Variants in ENOX1 observed in about 807,000 individuals in gnomAD.
The protein encoded by ENOX1 is ecto-NOX disulfide-thiol exchanger 1.
In ENOX1, 42 loss-of-function variants were observed where a neutral mutation model predicts 82.5. The ratio of observed to expected loss-of-function variants is 0.51; its 90% CI spans 0.40 to 0.66. ENOX1 has a LOEUF of 0.66. ENOX1 is among the 30% of genes least tolerant of loss of function. ENOX1 has a pLI of 0.00. For missense variants in ENOX1, 608 were observed against 811.6 expected, an observed-to-expected ratio of 0.75 and a Z score of 3.05; for synonymous variants, 271 against 282.2, an observed-to-expected ratio of 0.96 and a Z score of 0.40.
chr13:43,350,013 A>T (rs1331825310), intron 8 of ENOX1, among the ~76,000 whole-genome samples: 1 of 152,232 alleles, frequency 6.6e-6, no homozygotes, highest in Non-Finnish European at 1.5e-5. Context: ...ACCTAATTCT[A>T]CAGGGGGTGG....
chr13:43,736,155 A>G (rs1252691177), intron 1 of ENOX1, among the ~76,000 whole-genome samples: 2 of 152,228 alleles, frequency 1.3e-5, no homozygotes, highest in South Asian at 2.1e-4. Context: ...CTTCTGCTAC[A>G]GTGCATTTAT....
intron 2 of ENOX1, among the ~76,000 whole-genome samples, chr13:43,551,011 A>C (rs952893511): frequency 6.6e-6 from 1 of 152,194 alleles, no homozygotes; most frequent in African/African-American, 2.4e-5. Flanking sequence ...TCCCAGTAAC[A>C]TCTTTCAAAT....
intron 9 of ENOX1, among the ~76,000 whole-genome samples, chr13:43,333,674 G>A (rs933179594): frequency 6.6e-6 from 1 of 152,244 alleles, no homozygotes; most frequent in Non-Finnish European, 1.5e-5. Flanking sequence ...CCAGCCTGAA[G>A]TGCAGCGGCA....
intron 1 of ENOX1, among the ~76,000 whole-genome samples, chr13:43,769,288 T>C (rs1259933732): frequency 6.6e-6 from 1 of 152,162 alleles, no homozygotes; most frequent in Non-Finnish European, 1.5e-5. Flanking sequence ...AAGGCTACTA[T>C]AGCGAATAGC....
chr13:43,780,892 G>C (rs1039642645), intron 1 of ENOX1, among the ~76,000 whole-genome samples: 1 of 152,200 alleles, frequency 6.6e-6, no homozygotes, highest in Non-Finnish European at 1.5e-5. Flanking sequence ...CCCACTGTTA[G>C]AGATGTTAAC....
At chr13:43,538,926 C>A (rs1273887779) in intron 2 of ENOX1, among the ~76,000 whole-genome samples, 3 of 152,122 alleles carry the variant, frequency 2.0e-5, no homozygotes, top group Non-Finnish European at 4.4e-5. Context: ...TGGGCTCAAG[C>A]AATCCTCTCA....
At chr13:43,645,772 T>G (rs1171427033) in intron 2 of ENOX1, among the ~76,000 whole-genome samples, 1 of 152,158 alleles carries the variant, frequency 6.6e-6, no homozygotes, top group Non-Finnish European at 1.5e-5. Context: ...TAAATTCACT[T>G]GTAAAATTTT....
At chr13:43,754,993 T>A (rs1459695551) in intron 1 of ENOX1, among the ~76,000 whole-genome samples, 5 of 152,136 alleles carry the variant, frequency 3.3e-5, no homozygotes, top group Admixed American at 1.3e-4. Flanking sequence ...ATTTCCTGCT[T>A]GCTGCATTGA....
intron 8 of ENOX1, 86 bp from the exon 9 acceptor site, chr13:43,344,836 G>A (rs903613676): frequency 5.0e-5 from 64 of 1,283,174 alleles, no homozygotes; most frequent in African/African-American, 1.0e-4. Flanking sequence ...ACAGAGCATA[G>A]TCCAACCTAG....
intron 3 of ENOX1, among the ~76,000 whole-genome samples, chr13:43,450,458 G>A (rs1404415683): frequency 6.6e-6 from 1 of 152,164 alleles, no homozygotes; most frequent in Admixed American, 6.5e-5. Flanking sequence ...TCCAAGAAGA[G>A]CAGGCATGCC....
chr13:43,664,997 T>G (rs772566736), intron 2 of ENOX1, among the ~76,000 whole-genome samples: 1 of 152,222 alleles, frequency 6.6e-6, no homozygotes, highest in Non-Finnish European at 1.5e-5. Flanking sequence ...CAAAATCTCC[T>G]GCGGGGCTGG....
chr13:43,569,229 T>C (rs2080062147), intron 2 of ENOX1, among the ~76,000 whole-genome samples: 1 of 152,204 alleles, frequency 6.6e-6, no homozygotes, highest in Non-Finnish European at 1.5e-5. Flanking sequence ...ATGGTTGCTT[T>C]TTCCATCCCT....
intron 1 of ENOX1, among the ~76,000 whole-genome samples, chr13:43,756,988 A>C (rs1290310307): frequency 1.6e-3 from 238 of 151,632 alleles, no homozygotes; most frequent in African/African-American, 4.8e-3. Flanking sequence ...AAAAAAAAAA[A>C]AAAAAAGCTG....
intron 3 of ENOX1, among the ~76,000 whole-genome samples, chr13:43,456,682 T>A (rs913076698): frequency 6.6e-6 from 1 of 152,326 alleles, no homozygotes; most frequent in South Asian, 2.1e-4. Flanking sequence ...GCCCAATCCC[T>A]GAGTCTAGAG....
At chr13:43,720,631 G>C (rs570789284) in intron 1 of ENOX1, among the ~76,000 whole-genome samples, 75 of 152,288 alleles carry the variant, frequency 4.9e-4, no homozygotes, top group African/African-American at 1.8e-3. Context: ...ACATTTTCAA[G>C]AACTTTATTT....
At chr13:43,736,068 C>CA (rs941594151) in intron 1 of ENOX1, among the ~76,000 whole-genome samples, 1 of 152,172 alleles carries the variant, frequency 6.6e-6, no homozygotes, top group African/African-American at 2.4e-5. Flanking sequence ...ACTTTGCACT[C>CA]AGTCAGCTTG....
chr13:43,593,812 T>C (rs1267753462), intron 2 of ENOX1, among the ~76,000 whole-genome samples: 3 of 152,170 alleles, frequency 2.0e-5, no homozygotes, highest in African/African-American at 4.8e-5. Flanking sequence ...CCTTCTTCTA[T>C]TGACAATGAC....
At chr13:43,387,013 C>T (rs2153579194) in intron 5 of ENOX1, among the ~76,000 whole-genome samples, 1 of 152,270 alleles carries the variant, frequency 6.6e-6, no homozygotes, top group Non-Finnish European at 1.5e-5. Context: ...GATTTAGAGT[C>T]CTCTAAAGCA....
At chr13:43,611,455 C>T (rs1031905026) in intron 2 of ENOX1, among the ~76,000 whole-genome samples, 1 of 152,134 alleles carries the variant, frequency 6.6e-6, no homozygotes, top group Admixed American at 6.5e-5. Flanking sequence ...TGTATAATGA[C>T]AGAAATCAAG....
Sources: gnomAD v4.1 joint callset for allele counts (sites outside exome capture counted in the v4.1 genomes callset) on GRCh38, gnomAD v4.1.1 for gene constraint, MANE v1.5 for transcripts, NCBI Gene and HGNC (gene_info 2026-07-23, HGNC 2026-07-21) for gene names.